The following LRBA variants were observed in gnomAD, a reference collection of about 807,000 sequenced individuals.
LRBA encodes LPS responsive beige-like anchor protein, also known as lipopolysaccharide-responsive and beige-like anchor protein.
In LRBA, 176 loss-of-function variants were observed where a neutral mutation model predicts 330.0. The observed-to-expected ratio is 0.53, with a 90% CI of 0.47 to 0.60. The LOEUF (loss-of-function observed/expected upper bound fraction) is 0.60. LRBA is among the 20% of genes least tolerant of loss of function. LRBA has a pLI of 0.00. For missense variants in LRBA, 3,259 were observed against 3,444.8 expected, an observed-to-expected ratio of 0.95 and a Z score of 1.35; for synonymous variants, 1,230 against 1,193.0, an observed-to-expected ratio of 1.03 and a Z score of -0.64.
At chr4:151,008,003 T>C (rs761029327) in intron 2 of LRBA, among the ~76,000 whole-genome samples, 5 of 152,016 alleles carry the variant, frequency 3.3e-5, no homozygotes, top group African/African-American at 7.2e-5. Context: ...TAAAATTAGA[T>C]TGTGGTAATA....
rs766486585 is a variant in LRBA at position 151,014,497 on chromosome 4, G to A, written c.146C>T (p.Ala49Val). 6.2e-7 allele frequency: 1 copy of A among 1,614,140 alleles called. No homozygotes were observed. Residue 49 changes from alanine to valine, a missense_variant, in exon 2 of 57, where the codon GCC becomes GTC. Transcript: ENST00000651943. ...AACTTCAACCAAACCGGTCAACACGGCAAATTTCATTCTGATGCCCCTGAT... is the reference window on the plus strand; with the variant it reads ...AACTTCAACCAAACCGGTCAACACGACAAATTTCATTCTGATGCCCCTGAT... Reference protein sequence around the residue: ...LPIRGIRMKFAVLTGLVEVGE... With the variant: ...LPIRGIRMKFVVLTGLVEVGE...
chr4:150,624,389 A>G (rs1776640195), intron 37 of LRBA, among the ~76,000 whole-genome samples: 2 of 151,802 alleles, frequency 1.3e-5, no homozygotes, highest in African/African-American at 2.4e-5. Flanking sequence ...AAAAATAAAA[A>G]TAAAATCCCC....
At chr4:150,508,311 C>G (rs1761404511) in intron 40 of LRBA, among the ~76,000 whole-genome samples, 1 of 146,580 alleles carries the variant, frequency 6.8e-6, no homozygotes, top group Non-Finnish European at 1.5e-5. Flanking sequence ...GAGACAGACC[C>G]TTGCTCTGTC....
At chr4:150,737,969 A>G (rs1419639802) in intron 35 of LRBA, among the ~76,000 whole-genome samples, 2 of 133,110 alleles carry the variant, frequency 1.5e-5, no homozygotes, top group Non-Finnish European at 3.2e-5. Context: ...CTCAAGTCAC[A>G]TTTTTCTCTG....
chr4:150,695,864 T>C (rs1452487914), intron 36 of LRBA, among the ~76,000 whole-genome samples: 1 of 152,230 alleles, frequency 6.6e-6, no homozygotes, highest in African/African-American at 2.4e-5. Flanking sequence ...CTAGGGTCTT[T>C]TAGTTGTATT....
At chr4:150,786,934 A>G (rs1458178850) in intron 34 of LRBA, among the ~76,000 whole-genome samples, 1 of 152,190 alleles carries the variant, frequency 6.6e-6, no homozygotes, top group African/African-American at 2.4e-5. Flanking sequence ...AGTGCTGTTA[A>G]AAAATACTCA....
intron 2 of LRBA, among the ~76,000 whole-genome samples, chr4:150,935,209 T>C (rs1170159319): frequency 6.6e-6 from 1 of 150,906 alleles, no homozygotes; most frequent in Non-Finnish European, 1.5e-5. Context: ...AAGAAAATAC[T>C]AGACTTCTGG....
intron 40 of LRBA, among the ~76,000 whole-genome samples, chr4:150,496,141 T>C (rs1314685131): frequency 6.6e-6 from 1 of 152,152 alleles, no homozygotes; most frequent in Non-Finnish European, 1.5e-5. Context: ...CTGTGCCTTA[T>C]GAAAAGGATA....
At chr4:150,346,287 TAA>T (rs968504580) in intron 48 of LRBA, among the ~76,000 whole-genome samples, 13 of 151,644 alleles carry the variant, frequency 8.6e-5, no homozygotes, top group Admixed American at 2.6e-4. Context: ...ATATTATATA[TAA>T]GTCTATATAA....
rs1212060624 is a variant in LRBA, at chr4:150,614,131, C to T, written c.5922-15000G>A. Among the ~76,000 whole-genome samples, 5 of 152,314 alleles carry T rather than the reference C, an allele frequency of 3.3e-5. No homozygotes were observed. In the East Asian group the frequency reaches 5.8e-4, roughly 18 times the overall value. ...CCCTTCCTTCGGATTTAGACTCTTGCTAATACCATCATAGTTAATGATTAA... is the reference window on the plus strand; with the variant it reads ...CCCTTCCTTCGGATTTAGACTCTTGTTAATACCATCATAGTTAATGATTAA... On this transcript the variant is annotated intron_variant, in intron 37 of 56. Transcript: ENST00000651943.
intron 36 of LRBA, among the ~76,000 whole-genome samples, chr4:150,709,620 A>C (rs1168336718): frequency 6.6e-6 from 1 of 151,998 alleles, no homozygotes; most frequent in African/African-American, 2.4e-5. Context: ...TTATTTACTG[A>C]GCACCTACTA....
intron 2 of LRBA, among the ~76,000 whole-genome samples, chr4:150,964,411 G>A (rs1483876551): frequency 2.7e-5 from 4 of 149,724 alleles, no homozygotes; most frequent in African/African-American, 1.0e-4. Context: ...AAGAAGGAGA[G>A]GTCGGATTGT....
chr4:150,292,640 C>T (rs1416534452), intron 53 of LRBA, among the ~76,000 whole-genome samples: 1 of 152,130 alleles, frequency 6.6e-6, no homozygotes, highest in Non-Finnish European at 1.5e-5. Context: ...CCTTCATTCA[C>T]TTAATAATAT....
intron 40 of LRBA, among the ~76,000 whole-genome samples, chr4:150,528,896 C>CTA (rs773229001): frequency 6.6e-6 from 1 of 152,102 alleles, no homozygotes; most frequent in Non-Finnish European, 1.5e-5. Context: ...ATTACTCCTT[C>CTA]TATATATATT....
intron 17 of LRBA, among the ~76,000 whole-genome samples, chr4:150,878,332 G>A (rs1383477212): frequency 6.6e-6 from 1 of 151,628 alleles, no homozygotes; most frequent in Admixed American, 6.6e-5. Context: ...GAGCAGGACT[G>A]TCTCAAAAAA....
At chr4:150,670,084 A>G (rs539159544) in intron 37 of LRBA, among the ~76,000 whole-genome samples, 3 of 152,174 alleles carry the variant, frequency 2.0e-5, no homozygotes, top group African/African-American at 4.8e-5. Flanking sequence ...ATTAATAACT[A>G]TCTTGTTGGG....
chr4:150,814,932 G>A (rs1744333749), intron 31 of LRBA, among the ~76,000 whole-genome samples: 1 of 151,894 alleles, frequency 6.6e-6, no homozygotes, highest in Admixed American at 6.6e-5. Flanking sequence ...AGAGAGAAAT[G>A]TATAATACTG....
Position 150,538,440 on chromosome 4 carries a change from G to A in LRBA, c.6331-47405C>T, listed in dbSNP as rs529372855. On this transcript the variant is annotated intron_variant, in intron 40 of 56. Coordinates refer to ENST00000651943, the MANE Select transcript of LRBA (RefSeq NM_001364905.1). ...AGGAAATATGGTACATATAGATCAT[G>A]GAAAACTGCACAGCCATAACAAAGA... Among the ~76,000 whole-genome samples, 27 of 152,296 alleles carry A rather than the reference G, an allele frequency of 1.8e-4. 1 individual carries two copies. The highest frequency in any genetic ancestry group is 2.9e-4 in the Non-Finnish European group (20 of 68,030).
At chr4:150,983,698 G>A (rs1277697874) in intron 2 of LRBA, among the ~76,000 whole-genome samples, 4 of 150,774 alleles carry the variant, frequency 2.7e-5, no homozygotes, top group East Asian at 2.0e-4. Flanking sequence ...CAGGTGATCC[G>A]CCTGCCTCAG....
Sources: allele counts gnomAD v4.1 joint callset (sites outside exome capture counted in the v4.1 genomes callset), GRCh38; gene constraint gnomAD v4.1.1; transcripts MANE v1.5; gene names NCBI Gene and HGNC (gene_info 2026-07-23, HGNC 2026-07-21).